The following KCNQ5 variants were observed in gnomAD, a reference collection of about 807,000 sequenced individuals.
KCNQ5 encodes potassium voltage-gated channel subfamily KQT member 5.
In KCNQ5, 30 loss-of-function variants were observed where a neutral mutation model predicts 98.2. The ratio of observed to expected loss-of-function variants is 0.31; its 90% CI spans 0.23 to 0.41. The LOEUF (loss-of-function observed/expected upper bound fraction) is 0.41, where lower values mean the gene tolerates loss of function less well. KCNQ5 is among the 10% of genes least tolerant of loss of function. The pLI, the probability that KCNQ5 is intolerant of heterozygous loss-of-function variation, is 1.00. For synonymous variants in KCNQ5, 458 were observed against 449.4 expected (o/e 1.02, Z -0.24); for missense variants, 835 against 1,182.5 (o/e 0.71, Z 4.31).
At chr6:72,915,248 A>G (rs2150210201) in intron 1 of KCNQ5, among the ~76,000 whole-genome samples, 1 of 152,302 alleles carries the variant, frequency 6.6e-6, no homozygotes, top group African/African-American at 2.4e-5. Flanking sequence ...TGGCAACAAG[A>G]TATATTTAGA....
chr6:72,649,940 A>G (rs1209712521), intron 1 of KCNQ5, among the ~76,000 whole-genome samples: 4 of 152,154 alleles, frequency 2.6e-5, no homozygotes, highest in African/African-American at 9.7e-5. Flanking sequence ...ACACATCCAA[A>G]TATATTTAAT....
At chr6:72,779,259 A>G (rs7740337) in intron 1 of KCNQ5, among the ~76,000 whole-genome samples, 90,905 of 152,010 alleles carry the variant, frequency 0.6, 27,207 homozygotes, top group Admixed American at 0.65. Flanking sequence ...AGGAAGAAGG[A>G]GAGGCCCAGG....
At chr6:72,722,929 A>G (rs987884981) in intron 1 of KCNQ5, among the ~76,000 whole-genome samples, 6 of 144,004 alleles carry the variant, frequency 4.2e-5, no homozygotes, top group Non-Finnish European at 7.4e-5. Context: ...AGCTCACTGC[A>G]TCCTTGACTT....
intron 11 of KCNQ5, among the ~76,000 whole-genome samples, chr6:73,177,108 G>A (rs1050539006): frequency 4.5e-4 from 68 of 152,300 alleles, no homozygotes; most frequent in African/African-American, 1.6e-3. Context: ...AGATGTCAAC[G>A]CTGTTAAATG....
At chr6:72,977,381 A>G (rs1582124300) in intron 1 of KCNQ5, among the ~76,000 whole-genome samples, 2 of 152,176 alleles carry the variant, frequency 1.3e-5, no homozygotes, top group African/African-American at 4.8e-5. Flanking sequence ...TTGTGCAGGA[A>G]ACAGAAACCA....
chr6:72,877,355 G>A (rs189719435), intron 1 of KCNQ5, among the ~76,000 whole-genome samples: 190 of 152,210 alleles, frequency 1.2e-3, no homozygotes, highest in African/African-American at 4.4e-3. Context: ...GAGGATAATA[G>A]CTTCCAGCTT....
intron 1 of KCNQ5, among the ~76,000 whole-genome samples, chr6:72,712,864 T>C (rs1272985828): frequency 6.6e-6 from 1 of 152,186 alleles, no homozygotes. Context: ...AGTAAAACAA[T>C]TTTATATCAC....
At chr6:72,778,261 G>A (rs1773263206) in intron 1 of KCNQ5, among the ~76,000 whole-genome samples, 1 of 152,178 alleles carries the variant, frequency 6.6e-6, no homozygotes, top group Non-Finnish European at 1.5e-5. Context: ...TACAGGCCAG[G>A]CGCAGTGGCT....
intron 3 of KCNQ5, among the ~76,000 whole-genome samples, chr6:73,050,836 G>A (rs571437611): frequency 8.5e-5 from 13 of 152,288 alleles, no homozygotes; most frequent in South Asian, 8.3e-4. Flanking sequence ...AAATTGTAAA[G>A]TAGTAATCTT....
intron 1 of KCNQ5, among the ~76,000 whole-genome samples, chr6:72,654,818 T>C (rs1461916634): frequency 6.6e-6 from 1 of 152,094 alleles, no homozygotes. Context: ...TAGTGTGATA[T>C]TATTTTCATT....
At chr6:73,058,280 C>T (rs61047157) in intron 3 of KCNQ5, among the ~76,000 whole-genome samples, 3,646 of 152,148 alleles carry the variant, frequency 0.024, 54 homozygotes, top group Non-Finnish European at 0.032. Context: ...GGCGAGGTGG[C>T]GGGCACCTGT....
intron 1 of KCNQ5, among the ~76,000 whole-genome samples, chr6:72,809,277 GAT>G (rs1775117257): frequency 6.8e-6 from 1 of 148,048 alleles, no homozygotes; most frequent in Non-Finnish European, 1.5e-5. Flanking sequence ...AGCATTGGGA[GAT>G]ATACCTAATG....
chr6:73,105,271 T>C lies in KCNQ5; in HGVS notation c.933T>C (p.Thr311=), dbSNP rs2150419650. The change falls in exon 6 of 14, where the codon ACT becomes ACC. Residue 311 remains threonine, a synonymous_variant. Transcript: ENST00000370398. The stretch of plus-strand genomic sequence containing the variant: ...TTTGTTTCTAGATTACATTGACAAC[T>C]ATTGGCTATGGAGACAAAACTCCCC... The part of the protein sequence containing the change: ...ALWWGTITLT[T]IGYGDKTPLT... The C allele has an allele frequency of 6.2e-7, 1 of 1,602,818 alleles. No individual in the cohort carries two copies. The highest frequency in any genetic ancestry group is 1.1e-5 in the South Asian group (1 of 90,000).
chr6:73,059,289 C>T (rs2150373804), intron 3 of KCNQ5, among the ~76,000 whole-genome samples: 1 of 152,268 alleles, frequency 6.6e-6, no homozygotes, highest in Non-Finnish European at 1.5e-5. Flanking sequence ...GGAGGCCATT[C>T]ACCTAAGCGA....
intron 1 of KCNQ5, among the ~76,000 whole-genome samples, chr6:72,798,789 G>C (rs1193779539): frequency 6.6e-6 from 1 of 152,098 alleles, no homozygotes; most frequent in Non-Finnish European, 1.5e-5. Flanking sequence ...TAATAGTCCT[G>C]AGATTGGCTT....
intron 1 of KCNQ5, among the ~76,000 whole-genome samples, chr6:72,653,847 TC>T (rs1209752709): frequency 1.3e-5 from 2 of 152,094 alleles, no homozygotes; most frequent in African/African-American, 4.8e-5. Flanking sequence ...TATTTGGATA[TC>T]AGATAGTTTC....
chr6:73,025,196 C>T (rs1464392404), intron 2 of KCNQ5, among the ~76,000 whole-genome samples: 2 of 152,200 alleles, frequency 1.3e-5, no homozygotes, highest in South Asian at 2.1e-4. Flanking sequence ...CCGAGCCAGA[C>T]ATTTGTCAAA....
intron 1 of KCNQ5, among the ~76,000 whole-genome samples, chr6:72,965,460 A>G (rs1384685067): frequency 6.6e-6 from 1 of 152,246 alleles, no homozygotes; most frequent in Non-Finnish European, 1.5e-5. Flanking sequence ...TTTACAGAAC[A>G]TAACTGCCAC....
chr6:72,725,468 G>C (rs1452020758), intron 1 of KCNQ5, among the ~76,000 whole-genome samples: 1 of 152,104 alleles, frequency 6.6e-6, no homozygotes, highest in Non-Finnish European at 1.5e-5. Flanking sequence ...ATTTTTAAAG[G>C]TTGAACTCAC....
Sources: allele counts gnomAD v4.1 joint callset (sites outside exome capture counted in the v4.1 genomes callset), GRCh38; gene constraint gnomAD v4.1.1; transcripts MANE v1.5; gene names NCBI Gene and HGNC (gene_info 2026-07-23, HGNC 2026-07-21).